The following GLIS3 variants were observed in gnomAD, a reference collection of about 807,000 sequenced individuals.
GLIS3 encodes GLIS family zinc finger 3.
A neutral mutation model predicts 78.6 loss-of-function variants in GLIS3; 53 were observed. The observed-to-expected ratio is 0.67, with a 90% confidence interval of 0.54 to 0.85. The LOEUF (loss-of-function observed/expected upper bound fraction) is 0.85, where lower values mean the gene tolerates loss of function less well. GLIS3 is among the 40% of genes least tolerant of loss of function. GLIS3 has a pLI of 0.00. For missense variants in GLIS3, 1,703 were observed against 1,231.1 expected, an observed-to-expected ratio of 1.38 and a Z score of -5.74; for synonymous variants, 684 against 509.9, an observed-to-expected ratio of 1.34 and a Z score of -4.60.
chr9:4,381,135 G>A, the GLIS3 span, among the ~76,000 whole-genome samples: 258 of 152,232 alleles, frequency 1.7e-3, no homozygotes, highest in Admixed American at 4.2e-3. Flanking sequence ...TGAGAAAACA[G>A]TAAAAATGTG....
At chr9:4,269,544 ATC>A (rs1826318629) in intron 2 of GLIS3, among the ~76,000 whole-genome samples, 1 of 152,124 alleles carries the variant, frequency 6.6e-6, no homozygotes, top group South Asian at 2.1e-4. Flanking sequence ...ATCTACTTAA[ATC>A]ATCAGAATTT....
the GLIS3 span, among the ~76,000 whole-genome samples, chr9:4,451,740 A>C: frequency 6.6e-6 from 1 of 152,168 alleles, no homozygotes; most frequent in East Asian, 1.9e-4. Context: ...CCTTCGCCTG[A>C]ATGACTACTG....
At chr9:4,449,226 C>A in the GLIS3 span, among the ~76,000 whole-genome samples, 1 of 152,206 alleles carries the variant, frequency 6.6e-6, no homozygotes, top group Non-Finnish European at 1.5e-5. Flanking sequence ...GCTAGTGCAG[C>A]AGTCTGACAT....
intron 2 of GLIS3, among the ~76,000 whole-genome samples, chr9:4,209,547 T>C (rs1820201070): frequency 6.6e-6 from 1 of 152,230 alleles, no homozygotes; most frequent in Non-Finnish European, 1.5e-5. Context: ...CTATTCTCAT[T>C]GTGCCTGCCA....
At chr9:4,481,270 G>A in the GLIS3 span, among the ~76,000 whole-genome samples, 1 of 152,136 alleles carries the variant, frequency 6.6e-6, no homozygotes, top group Non-Finnish European at 1.5e-5. Flanking sequence ...GATCACCTGG[G>A]GTCAGGAGTT....
chr9:4,408,499 C>A, the GLIS3 span, among the ~76,000 whole-genome samples: 3 of 151,022 alleles, frequency 2.0e-5, no homozygotes, highest in East Asian at 5.8e-4. Flanking sequence ...GAGGCTGAGG[C>A]GGGCGGATCA....
chr9:4,304,480 C>T (rs6476844), upstream of GLIS3, among the ~76,000 whole-genome samples: 129,303 of 152,204 alleles, frequency 0.85, 55,530 homozygotes, highest in South Asian at 0.94. Flanking sequence ...CAGTGACCCT[C>T]TCCTGTCTGA....
chr9:3,905,094 T>C (rs1328408367), intron 6 of GLIS3, among the ~76,000 whole-genome samples: 1 of 147,692 alleles, frequency 6.8e-6, no homozygotes, highest in African/African-American at 2.5e-5. Flanking sequence ...TGCCTCAGCC[T>C]CCCGAGTAGC....
intron 7 of GLIS3, among the ~76,000 whole-genome samples, chr9:3,885,486 A>G (rs996516129): frequency 1.3e-5 from 2 of 152,204 alleles, no homozygotes; most frequent in Non-Finnish European, 2.9e-5. Context: ...GAATTCACGT[A>G]TAAGTAGTGC....
At chr9:4,263,883 T>C (rs1022143954) in intron 2 of GLIS3, among the ~76,000 whole-genome samples, 3 of 152,192 alleles carry the variant, frequency 2.0e-5, no homozygotes, top group Non-Finnish European at 2.9e-5. Flanking sequence ...TAGCCTCCAA[T>C]GTTGATTTCT....
chr9:3,898,219 C>A, intron 7 of GLIS3: 1 of 225,740 alleles, frequency 4.4e-6, no homozygotes, highest in East Asian at 1.1e-4. Flanking sequence ...CATCTCCTTT[C>A]CCACAATGGT....
chr9:4,062,746 C>T lies in GLIS3; in HGVS notation c.1710+55022G>A, dbSNP rs565681202. Among the ~76,000 whole-genome samples the T allele has an allele frequency of 4.5e-4, 68 of 152,062 alleles. No individual in the cohort carries two copies. The Middle Eastern group carries it at 0.017, about 38-fold the overall frequency. Reference sequence around the variant, plus strand: ...ATTGAGACCATCCTGGCTAACACAGCGAAACCCCATCTCTACTAAAAATAC... The same window carrying T: ...ATTGAGACCATCCTGGCTAACACAGTGAAACCCCATCTCTACTAAAAATAC... On this transcript the variant is annotated intron_variant, in intron 4 of 10. Transcript: ENST00000381971.
At chr9:4,272,864 T>C (rs999837981) in intron 2 of GLIS3, among the ~76,000 whole-genome samples, 6 of 152,190 alleles carry the variant, frequency 3.9e-5, no homozygotes, top group African/African-American at 1.4e-4. Context: ...GATAGTCCTA[T>C]GCGTAATTAT....
At chr9:4,014,765 C>T (rs1195244804) in intron 4 of GLIS3, among the ~76,000 whole-genome samples, 7 of 152,192 alleles carry the variant, frequency 4.6e-5, no homozygotes, top group Non-Finnish European at 8.8e-5. Flanking sequence ...GAAATCACCT[C>T]GTCCAATGCC....
At chr9:4,111,156 A>G (rs1039788440) in intron 4 of GLIS3, among the ~76,000 whole-genome samples, 6 of 152,224 alleles carry the variant, frequency 3.9e-5, no homozygotes, top group Admixed American at 3.9e-4. Flanking sequence ...TTATGAAAAG[A>G]TGTACATAAT....
chr9:4,283,471 G>A (rs915773784), intron 2 of GLIS3, among the ~76,000 whole-genome samples: 3 of 151,870 alleles, frequency 2.0e-5, no homozygotes, highest in East Asian at 3.9e-4. Flanking sequence ...TCACCATCTT[G>A]GCCAGGCTGG....
At chr9:4,060,565 G>A (rs1826561986) in intron 4 of GLIS3, among the ~76,000 whole-genome samples, 1 of 152,108 alleles carries the variant, frequency 6.6e-6, no homozygotes, top group Admixed American at 6.6e-5. Context: ...GTGATTATGA[G>A]AGTATAACTT....
chr9:4,169,836 G>GT (rs1468308780), intron 2 of GLIS3, among the ~76,000 whole-genome samples: 6 of 152,026 alleles, frequency 3.9e-5, no homozygotes, highest in Middle Eastern at 3.4e-3. Flanking sequence ...TGTTCTTGCA[G>GT]TTTTTTTTGT....
chr9:4,175,172 A>C (rs758604693), intron 2 of GLIS3, among the ~76,000 whole-genome samples: 1 of 152,216 alleles, frequency 6.6e-6, no homozygotes, highest in Non-Finnish European at 1.5e-5. Context: ...ACTGGACCTG[A>C]GAATTCCTCC....
Sources: gnomAD v4.1 joint callset for allele counts (sites outside exome capture counted in the v4.1 genomes callset) on GRCh38, gnomAD v4.1.1 for gene constraint, MANE v1.5 for transcripts, NCBI Gene and HGNC (gene_info 2026-07-23, HGNC 2026-07-21) for gene names.